The following INPP5A variants were observed in gnomAD, a reference collection of about 807,000 sequenced individuals.
The protein encoded by INPP5A is inositol polyphosphate-5-phosphatase A, also known as 43 kDa inositol polyphosphate 5-phophatase.
INPP5A carries 14 observed loss-of-function variants against 65.2 expected under a neutral mutation model. That is an observed-to-expected ratio of 0.21 (90% CI 0.14 to 0.34). The LOEUF (loss-of-function observed/expected upper bound fraction) is 0.34. INPP5A is among the 10% of genes least tolerant of loss of function. INPP5A has a pLI of 1.00. For missense variants in INPP5A, 431 were observed against 545.6 expected (o/e 0.79, Z 2.09); for synonymous variants, 207 against 208.3 (o/e 0.99, Z 0.05).
intron 9 of INPP5A, among the ~76,000 whole-genome samples, chr10:132,744,844 G>A (rs1846340081): frequency 6.6e-6 from 1 of 152,214 alleles, no homozygotes; most frequent in Admixed American, 6.5e-5. Context: ...TCTATCCACT[G>A]AGGAAGGTTA....
At chr10:132,648,682 A>G (rs1486466452) in intron 3 of INPP5A, among the ~76,000 whole-genome samples, 2 of 152,114 alleles carry the variant, frequency 1.3e-5, no homozygotes, top group East Asian at 3.9e-4. Flanking sequence ...TCCTCTCACT[A>G]CTTTAATGAT....
chr10:132,749,746 C>G, intron 10 of INPP5A, 25 bp from the exon 11 acceptor site: 8 of 1,610,576 alleles, frequency 5.0e-6, no homozygotes, highest in Non-Finnish European at 6.8e-6. Context: ...AGCTCAGGTG[C>G]TCATGGGCCA....
At chr10:132,737,948 T>C (rs1306622484) in intron 9 of INPP5A, among the ~76,000 whole-genome samples, 1 of 152,196 alleles carries the variant, frequency 6.6e-6, no homozygotes, top group East Asian at 1.9e-4. Flanking sequence ...ACTTTGCAAA[T>C]ATTACCCAAT....
rs1174128931 is a variant in INPP5A at position 132,627,552 on chromosome 10, C to G, written c.118-18316C>G. On this transcript the variant is annotated intron_variant, in intron 2 of 15. Coordinates refer to ENST00000368594, the MANE Select transcript of INPP5A (RefSeq NM_005539.5). This position sits in a 1 kb window ranked among gnomAD's most constrained non-coding sequence, Gnocchi z 6.6. ...AGTGCCTGGTCTGTCCCGACTCCCT[C>G]TGTGTCCCCAGCTGCCAGCAACGTG... Among the ~76,000 whole-genome samples the G allele has an allele frequency of 1.3e-5, 2 of 152,212 alleles. No individual in the cohort carries two copies. The highest frequency in any genetic ancestry group is 1.9e-4 in the East Asian group (1 of 5,194).
chr10:132,760,648 C>T (rs530872944), intron 11 of INPP5A, among the ~76,000 whole-genome samples: 4 of 152,364 alleles, frequency 2.6e-5, no homozygotes, highest in African/African-American at 7.2e-5. Context: ...ACTCTCCTTT[C>T]CTCTGTGCCC....
chr10:132,716,465 C>T (rs1267196388), intron 8 of INPP5A, among the ~76,000 whole-genome samples: 2 of 152,244 alleles, frequency 1.3e-5, no homozygotes, highest in African/African-American at 2.4e-5. Flanking sequence ...GTCTGCCGGA[C>T]GTCTCCACGA....
intron 1 of INPP5A, among the ~76,000 whole-genome samples, chr10:132,580,691 G>T (rs142756557): frequency 1.3e-5 from 2 of 152,340 alleles, no homozygotes; most frequent in East Asian, 1.9e-4. Flanking sequence ...AAGGCTGAAA[G>T]AATTTTATAG....
rs1349804945 is a variant in INPP5A, at chr10:132,762,979, ACT to A, written c.904-2791_904-2790del. Among the ~76,000 whole-genome samples the A allele has an allele frequency of 6.6e-6, 1 of 152,158 alleles. No homozygotes were observed. Among genetic ancestry groups the A allele is most frequent in the East Asian group, 1.9e-4 (1 of 5,156 alleles). On this transcript the variant is annotated intron_variant, in intron 11 of 15. Coordinates refer to ENST00000368594, the MANE Select transcript of INPP5A (RefSeq NM_005539.5). The surrounding 1 kb of genome is among the most constrained non-coding windows in gnomAD (Gnocchi z 4.6). Reference sequence around the variant, plus strand: ...ACTCCAGCCTGGGTGACAGAGGGAGACTCTGTTTCAATAAATAAATAAATAAC... The same window carrying A: ...ACTCCAGCCTGGGTGACAGAGGGAGACTGTTTCAATAAATAAATAAATAAC...
At chr10:132,781,130 T>C (rs963953023) in intron 14 of INPP5A, among the ~76,000 whole-genome samples, 2 of 152,226 alleles carry the variant, frequency 1.3e-5, no homozygotes, top group Non-Finnish European at 2.9e-5. Flanking sequence ...TAAAATATCA[T>C]AAGCTAGGTG....
chr10:132,717,857 G>T (rs1449125911), intron 8 of INPP5A, among the ~76,000 whole-genome samples: 1 of 146,100 alleles, frequency 6.8e-6, no homozygotes, highest in African/African-American at 2.7e-5. Context: ...GGGTTCTGTG[G>T]TACCTGGGTT....
chr10:132,761,748 C>A (rs544729171), intron 11 of INPP5A, among the ~76,000 whole-genome samples: 2 of 152,170 alleles, frequency 1.3e-5, no homozygotes, highest in African/African-American at 4.8e-5. Context: ...TCCCAAAAAT[C>A]AAGACCCACC....
chr10:132,735,030 C>T (rs1846152043), intron 9 of INPP5A, among the ~76,000 whole-genome samples: 1 of 152,192 alleles, frequency 6.6e-6, no homozygotes. Context: ...GTCTGCTCCC[C>T]AGCCGTGTGG....
intron 8 of INPP5A, among the ~76,000 whole-genome samples, chr10:132,716,746 G>A (rs1391312615): frequency 2.0e-5 from 3 of 152,202 alleles, no homozygotes; most frequent in Non-Finnish European, 2.9e-5. Flanking sequence ...GGTTTATGGC[G>A]GTGTCCAAGC....
chr10:132,756,795 G>A (rs865836920), intron 11 of INPP5A, among the ~76,000 whole-genome samples: 12 of 152,378 alleles, frequency 7.9e-5, no homozygotes, highest in South Asian at 2.1e-4. Flanking sequence ...AGAAGGCGCC[G>A]TTATCACAGG....
chr10:132,676,937 T>C lies in INPP5A; in HGVS notation c.307-13455T>C, dbSNP rs75738102. On this transcript the variant is annotated intron_variant, in intron 4 of 15. Coordinates refer to ENST00000368594, the MANE Select transcript of INPP5A (RefSeq NM_005539.5). The surrounding 1 kb of genome is among the most constrained non-coding windows in gnomAD (Gnocchi z 4.0). ...GGTGACCCCCACCGTCACCCAGGCA[T>C]CTGTCCTCAACTGCAGACCCACAGG... Among the ~76,000 whole-genome samples the C allele has an allele frequency of 5.0e-4, 70 of 138,778 alleles. No individual in the cohort carries two copies. Among genetic ancestry groups the C allele is most frequent in the African/African-American group, 1.2e-3 (44 of 36,454 alleles). 91.0% of individuals were successfully genotyped at this position (138,778 alleles called of 152,430 possible).
chr10:132,736,835 T>A (rs1846185256), intron 9 of INPP5A, among the ~76,000 whole-genome samples: 1 of 152,206 alleles, frequency 6.6e-6, no homozygotes, highest in Admixed American at 6.5e-5. Context: ...CACAGACTCC[T>A]GAGACCCGCT....
At position 132,762,861 on chromosome 10, in the gene INPP5A, C is replaced by T. The variant is rs1407962421; in HGVS notation, c.904-2912C>T. 1.3e-5 allele frequency among the ~76,000 whole-genome samples: 2 copies of T among 152,082 alleles called. No homozygotes were observed. Among genetic ancestry groups the T allele is most frequent in the Admixed American group, 6.6e-5 (1 of 15,256 alleles). On this transcript the variant is annotated intron_variant, in intron 11 of 15. Coordinates refer to ENST00000368594, the MANE Select transcript of INPP5A (RefSeq NM_005539.5). This position sits in a 1 kb window ranked among gnomAD's most constrained non-coding sequence, Gnocchi z 4.6. The stretch of plus-strand genomic sequence containing the variant: ...AAGACTTAGCAGGAGTGGTGGCACA[C>T]GCCTGTAATTCCATCTGCTCGGGAG...
Position 132,719,130 on chromosome 10 carries a change from C to T in INPP5A, c.648-7691C>T, listed in dbSNP as rs533151708. Among the ~76,000 whole-genome samples, 135 of 148,110 alleles carry T rather than the reference C, an allele frequency of 9.1e-4. 2 individuals carry two copies. Among genetic ancestry groups the T allele is most frequent in the Non-Finnish European group, 1.2e-3 (81 of 66,802 alleles). On this transcript the variant is annotated intron_variant, in intron 8 of 15. Coordinates refer to ENST00000368594, the MANE Select transcript of INPP5A (RefSeq NM_005539.5). ...ACCTTAGACGACTGTCTTCAGGGTT[C>T]TGTGGTACCTGGGTTCTGTCTGGGT...
At chr10:132,617,686 C>A (rs536182689) in intron 2 of INPP5A, among the ~76,000 whole-genome samples, 3 of 152,216 alleles carry the variant, frequency 2.0e-5, no homozygotes, top group African/African-American at 7.2e-5. Flanking sequence ...CACCTGACTG[C>A]GTCTGGCACG....
Sources: allele counts gnomAD v4.1 joint callset (sites outside exome capture counted in the v4.1 genomes callset), GRCh38; gene constraint gnomAD v4.1.1; non-coding constraint Gnocchi (gnomAD v3.1); transcripts MANE v1.5; gene names NCBI Gene and HGNC (gene_info 2026-07-23, HGNC 2026-07-21).